The following AGFG2 variants were observed in gnomAD, a reference collection of about 807,000 sequenced individuals.
AGFG2 encodes the protein ArfGAP with FG repeats 2, also known as arf-GAP domain and FG repeat-containing protein 2.
In AGFG2, 31 loss-of-function variants were observed where a neutral mutation model predicts 48.0. The observed-to-expected ratio is 0.65, with a 90% CI of 0.49 to 0.87. The LOEUF (loss-of-function observed/expected upper bound fraction) is 0.87, where lower values mean the gene tolerates loss of function less well. AGFG2 is among the 40% of genes least tolerant of loss of function. AGFG2 has a pLI of 0.00. For missense variants in AGFG2, 599 were observed against 632.6 expected (o/e 0.95, Z 0.57); for synonymous variants, 229 against 260.8 (o/e 0.88, Z 1.18).
chr7:100,550,330 A>AG, intron 2 of AGFG2, 66 bp from the exon 3 acceptor site: 2 of 770,266 alleles, frequency 2.6e-6, no homozygotes, highest in Non-Finnish European at 4.2e-6. Context: ...AAAAAAAAAA[A>AG]GGAAGTGGTA....
At chr7:100,551,298 T>C (rs1032562045) in intron 3 of AGFG2, among the ~76,000 whole-genome samples, 2 of 151,098 alleles carry the variant, frequency 1.3e-5, no homozygotes, top group Middle Eastern at 3.2e-3. Context: ...CTCGATCTCC[T>C]GACCTCGTGA....
intron 1 of AGFG2, 125 bp downstream of exon 1, chr7:100,539,692 C>A: frequency 1.3e-6 from 1 of 773,238 alleles, no homozygotes; most frequent in Non-Finnish European, 1.8e-6. Flanking sequence ...GGTCAGGGAA[C>A]GCGCCGGCTG....
At chr7:100,542,838 G>A (rs541884242) in intron 1 of AGFG2, among the ~76,000 whole-genome samples, 33 of 152,238 alleles carry the variant, frequency 2.2e-4, no homozygotes, top group Non-Finnish European at 3.5e-4. Flanking sequence ...TTATTCATTC[G>A]GTCAGTCAAC....
At chr7:100,553,977 A>G (rs1800702758) in intron 4 of AGFG2, 116 bp from the exon 5 acceptor site, 1 of 1,239,566 alleles carries the variant, frequency 8.1e-7, no homozygotes, top group Non-Finnish European at 1.1e-6. Flanking sequence ...GGTTGAGGGC[A>G]GTTACTCACT....
At chr7:100,555,441 T>G (rs1247665386) in intron 5 of AGFG2, among the ~76,000 whole-genome samples, 169 bp from the exon 6 acceptor site, 1 of 151,914 alleles carries the variant, frequency 6.6e-6, no homozygotes, top group Non-Finnish European at 1.5e-5. Flanking sequence ...GCCCAGCTAA[T>G]TTTTATATTT....
chr7:100,554,290 C>T, intron 5 of AGFG2, 32 bp downstream of exon 5: 2 of 1,595,802 alleles, frequency 1.3e-6, no homozygotes, highest in Non-Finnish European at 8.5e-7. Flanking sequence ...ACCCTCCCTA[C>T]AGCGTATATG....
Position 100,553,382 on chromosome 7 carries a change from A to T in AGFG2, c.467A>T (p.Tyr156Phe). ...VPPDQVKGPT[Y>F]TKGSASTPVQ... ...CCAGACCAAGTCAAGGGGCCCACTT[A>T]TACCAAAGGCAGTGCCTCCACCCCT... Residue 156 changes from tyrosine (Y) to phenylalanine (F), a missense_variant, in exon 4 of 12, where the codon TAT becomes TTT. By Grantham distance (22) the Tyr-to-Phe change is conservative. Coordinates refer to ENST00000300176, the MANE Select transcript of AGFG2 (RefSeq NM_006076.5). The T allele has an allele frequency of 6.2e-7, 1 of 1,614,194 alleles. No individual in the cohort carries two copies. Among genetic ancestry groups the T allele is most frequent in the Non-Finnish European group, 8.5e-7 (1 of 1,180,024 alleles).
chr7:100,560,379 A>G (rs1418162547), intron 6 of AGFG2, among the ~76,000 whole-genome samples: 1 of 152,118 alleles, frequency 6.6e-6, no homozygotes, highest in Admixed American at 6.5e-5. Flanking sequence ...GGGTTTTGCC[A>G]TGTTGGCCAG....
intron 6 of AGFG2, among the ~76,000 whole-genome samples, chr7:100,557,944 T>C (rs936203446): frequency 6.6e-6 from 1 of 151,694 alleles, no homozygotes; most frequent in African/African-American, 2.4e-5. Context: ...CCAGGCGCGG[T>C]GGCTCATGCC....
In AGFG2 at chr7:100,562,750, A is replaced by G. The variant is rs1484172280; in HGVS notation, c.1087+68A>G. The G allele has an allele frequency of 6.3e-7, 1 of 1,590,330 alleles. No homozygotes were observed. The highest frequency in any genetic ancestry group is 1.1e-5 in the South Asian group (1 of 88,234). On this transcript the variant is annotated intron_variant, in intron 8 of 11. Transcript: ENST00000300176. This position sits in a 1 kb window ranked among gnomAD's most constrained non-coding sequence, Gnocchi z 5.4. ...CAGGAGGAGTCTAAGGACTCTGGACAGGGTGGGAAGGGGAGAGATTGAGAG... is the reference window on the plus strand; with the variant it reads ...CAGGAGGAGTCTAAGGACTCTGGACGGGGTGGGAAGGGGAGAGATTGAGAG...
chr7:100,567,085 T>TCC lies in AGFG2; in HGVS notation c.*2096_*2097dup, dbSNP rs1176158429. 6.5e-6 allele frequency: 1 copy of TCC among 152,836 alleles called. No homozygotes were observed. The highest frequency in any genetic ancestry group is 1.5e-5 in the Non-Finnish European group (1 of 68,204). The allele number at this position is 152,836 out of a possible 1,614,324, so 9.5% of individuals were successfully genotyped here. The stretch of plus-strand genomic sequence containing the variant: ...CCAGGCCCGGGTCCTCCCTGCAGAC[T>TCC]CCCTCCCCTCCAGCCCACAAGGACT... On this transcript the variant is annotated 3_prime_UTR_variant, in exon 12 of 12. Transcript: ENST00000300176.
At chr7:100,552,963 A>G (rs1456634333) in intron 3 of AGFG2, among the ~76,000 whole-genome samples, 5 of 152,164 alleles carry the variant, frequency 3.3e-5, no homozygotes, top group East Asian at 1.9e-4. Context: ...ACCCTGGGCA[A>G]CATAGTGAGA....
At chr7:100,544,912 A>C (rs920119575) in intron 1 of AGFG2, among the ~76,000 whole-genome samples, 10 of 152,198 alleles carry the variant, frequency 6.6e-5, no homozygotes, top group Non-Finnish European at 1.5e-4. Flanking sequence ...GGGTTGAAGC[A>C]GAATTTAGAT....
chr7:100,555,774 G>A (rs373230962), intron 6 of AGFG2, 39 bp downstream of exon 6: 5 of 1,608,688 alleles, frequency 3.1e-6, no homozygotes, highest in African/African-American at 2.7e-5. Flanking sequence ...TCTTCCAACC[G>A]TGTCCATTTG....
chr7:100,562,852 C>T lies in AGFG2; in HGVS notation c.1088-11C>T, dbSNP rs768410184. 8.7e-6 allele frequency: 14 copies of T among 1,613,628 alleles called. No homozygotes were observed. Among genetic ancestry groups the T allele is most frequent in the Non-Finnish European group, 1.1e-5 (13 of 1,179,660 alleles). On this transcript the variant is annotated splice_polypyrimidine_tract_variant and intron_variant, in intron 8 of 11. Transcript: ENST00000300176. This position sits in a 1 kb window ranked among gnomAD's most constrained non-coding sequence, Gnocchi z 5.4. The stretch of plus-strand genomic sequence containing the variant: ...CTCTCTTTCCTGCCGCTCCCCATTC[C>T]ACCTGGGCAGCCTTCACTAACCCTT...
Position 100,539,249 on chromosome 7 carries a change from T to C in AGFG2, c.-98T>C, listed in dbSNP as rs1800368950. The C allele has an allele frequency of 4.2e-6, 5 of 1,197,474 alleles. No individual in the cohort carries two copies. The highest frequency in any genetic ancestry group is 4.2e-6 in the Non-Finnish European group (4 of 943,570). The allele number at this position is 1,197,474 out of a possible 1,614,324, so 74.2% of individuals were successfully genotyped here. A position where few individuals can be genotyped will look rare whatever the true frequency, so the allele number is the denominator to read the frequency against. ...CGGATGCCGCCCGCTCCCGAGCTTCTGTCAGGGGAGCCGGGCGTGCGGAGG... is the reference window on the plus strand; with the variant it reads ...CGGATGCCGCCCGCTCCCGAGCTTCCGTCAGGGGAGCCGGGCGTGCGGAGG... On this transcript the variant is annotated 5_prime_UTR_variant, in exon 1 of 12. Coordinates refer to ENST00000300176, the MANE Select transcript of AGFG2 (RefSeq NM_006076.5).
chr7:100,545,716 T>G (rs1004406417), intron 1 of AGFG2, among the ~76,000 whole-genome samples: 23 of 152,180 alleles, frequency 1.5e-4, no homozygotes, highest in African/African-American at 5.1e-4. Flanking sequence ...GTTGGGGAGC[T>G]GGGTGCAAGT....
chr7:100,539,672 G>A (rs1800385449), intron 1 of AGFG2, 105 bp downstream of exon 1: 1 of 948,674 alleles, frequency 1.1e-6, no homozygotes, highest in Non-Finnish European at 1.4e-6. Flanking sequence ...GAGGTGAGGG[G>A]CGGAGGGGAG....
At chr7:100,553,107 T>G (rs1450052203) in intron 3 of AGFG2, among the ~76,000 whole-genome samples, 1 of 151,882 alleles carries the variant, frequency 6.6e-6, no homozygotes, top group Non-Finnish European at 1.5e-5. Flanking sequence ...GAGCCAACAT[T>G]GCCCCACTGC....
Sources: gnomAD v4.1 joint callset for allele counts (sites outside exome capture counted in the v4.1 genomes callset) on GRCh38, gnomAD v4.1.1 for gene constraint, Gnocchi (gnomAD v3.1) non-coding constraint, MANE v1.5 for transcripts, NCBI Gene and HGNC (gene_info 2026-07-23, HGNC 2026-07-21) for gene names.